The following HPSE2 variants were observed in gnomAD, a reference collection of about 807,000 sequenced individuals.
The protein encoded by HPSE2 is inactive heparanase-2.
A neutral mutation model predicts 60.5 loss-of-function variants in HPSE2; 38 were observed. That is an observed-to-expected ratio of 0.63 (90% CI 0.48 to 0.82). The LOEUF (loss-of-function observed/expected upper bound fraction) is 0.82. Among genes scored for constraint, HPSE2 ranks in the 40% least tolerant of loss-of-function variants. The probability of loss-of-function intolerance (pLI) is 0.00; values close to 1 mark genes in which losing one functional copy is unlikely to be tolerated. For missense variants in HPSE2, 713 were observed against 740.4 expected, an observed-to-expected ratio of 0.96 and a Z score of 0.43; for synonymous variants, 295 against 293.2, an observed-to-expected ratio of 1.01 and a Z score of -0.06.
chr10:99,115,014 C>T (rs1024046268), intron 3 of HPSE2, among the ~76,000 whole-genome samples: 13 of 151,890 alleles, frequency 8.6e-5, no homozygotes, highest in Middle Eastern at 3.2e-3. Context: ...GACAGGGTTG[C>T]TCTGTCACCC....
At chr10:98,569,763 A>C (rs1360874957) in intron 9 of HPSE2, among the ~76,000 whole-genome samples, 2 of 152,268 alleles carry the variant, frequency 1.3e-5, no homozygotes, top group East Asian at 3.9e-4. Flanking sequence ...GGAAGATATT[A>C]ACAATACCAC....
intron 2 of HPSE2, among the ~76,000 whole-genome samples, chr10:99,172,850 C>T (rs550779874): frequency 1.3e-5 from 2 of 151,932 alleles, no homozygotes; most frequent in South Asian, 4.2e-4. Context: ...TGCACTCCAG[C>T]CTAAGCAAGA....
chr10:99,244,385 A>T, the HPSE2 span, among the ~76,000 whole-genome samples: 206 of 87,842 alleles, frequency 2.3e-3, no homozygotes, highest in African/African-American at 0.016. Flanking sequence ...TATTTCTTTT[A>T]TTATTATTAT....
At chr10:98,571,092 A>G (rs1479469836) in intron 9 of HPSE2, among the ~76,000 whole-genome samples, 1 of 152,218 alleles carries the variant, frequency 6.6e-6, no homozygotes, top group Non-Finnish European at 1.5e-5. Context: ...AACTTTGAAC[A>G]GTCAGGAAAT....
At chr10:99,103,387 C>T (rs1844097598) in intron 3 of HPSE2, among the ~76,000 whole-genome samples, 1 of 152,086 alleles carries the variant, frequency 6.6e-6, no homozygotes, top group South Asian at 2.1e-4. Flanking sequence ...TTCACAATTG[C>T]TTCAAAGAGA....
chr10:98,561,292 G>A (rs1011830084), intron 9 of HPSE2, among the ~76,000 whole-genome samples: 5 of 151,598 alleles, frequency 3.3e-5, no homozygotes, highest in Admixed American at 1.3e-4. Flanking sequence ...TCAGTCTCCC[G>A]AGTAGGAAAC....
At chr10:98,731,271 C>T (rs569019211) in intron 4 of HPSE2, among the ~76,000 whole-genome samples, 4 of 150,578 alleles carry the variant, frequency 2.7e-5, no homozygotes, top group South Asian at 4.2e-4. Flanking sequence ...AGAGTGAGAC[C>T]CTTTCTCAAA....
intron 3 of HPSE2, among the ~76,000 whole-genome samples, chr10:98,946,127 A>G (rs1348466589): frequency 6.6e-6 from 1 of 152,084 alleles, no homozygotes; most frequent in African/African-American, 2.4e-5. Flanking sequence ...ATCATTTTCT[A>G]CCATAAAATA....
At chr10:99,160,905 A>C (rs1351023754) in intron 2 of HPSE2, among the ~76,000 whole-genome samples, 1 of 150,394 alleles carries the variant, frequency 6.6e-6, no homozygotes, top group South Asian at 2.1e-4. Flanking sequence ...TCTCAAAAAA[A>C]AAAAAAAAAA....
intron 9 of HPSE2, among the ~76,000 whole-genome samples, chr10:98,548,587 A>G (rs571007494): frequency 5.5e-4 from 84 of 151,676 alleles, no homozygotes; most frequent in African/African-American, 1.9e-3. Context: ...ACCGTACTCT[A>G]GCCTGGGCAA....
the HPSE2 span, among the ~76,000 whole-genome samples, chr10:99,301,903 T>G: frequency 1.3e-5 from 2 of 151,458 alleles, no homozygotes; most frequent in Non-Finnish European, 2.9e-5. Context: ...ACTCTTAACG[T>G]ATGTAAAATT....
intron 3 of HPSE2, among the ~76,000 whole-genome samples, chr10:99,102,280 T>TA (rs1844032902): frequency 6.6e-6 from 1 of 151,718 alleles, no homozygotes; most frequent in South Asian, 2.1e-4. Flanking sequence ...ATAGATGCAA[T>TA]AAAAAATGAT....
chr10:99,308,295 G>A, the HPSE2 span, among the ~76,000 whole-genome samples: 1 of 147,448 alleles, frequency 6.8e-6, no homozygotes, highest in African/African-American at 2.5e-5. Flanking sequence ...GGCTGAGGCA[G>A]GAGAACTGCT....
chr10:98,751,148 C>A (rs1005491469), intron 3 of HPSE2, among the ~76,000 whole-genome samples: 1 of 152,120 alleles, frequency 6.6e-6, no homozygotes. Context: ...CTCAAAGTCA[C>A]AGCTACCTTA....
chr10:98,500,072 T>A (rs1273921305), intron 9 of HPSE2, among the ~76,000 whole-genome samples: 8 of 152,108 alleles, frequency 5.3e-5, no homozygotes, highest in Non-Finnish European at 1.2e-4. Flanking sequence ...ACAGTAATAG[T>A]GGGGGACTTC....
intron 2 of HPSE2, among the ~76,000 whole-genome samples, chr10:99,183,596 T>G (rs1847860758): frequency 6.6e-6 from 1 of 152,194 alleles, no homozygotes; most frequent in Non-Finnish European, 1.5e-5. Flanking sequence ...TATAAACCCC[T>G]AATTTTAGTC....
chr10:99,242,046 T>C, the HPSE2 span, among the ~76,000 whole-genome samples: 2 of 152,192 alleles, frequency 1.3e-5, no homozygotes. Flanking sequence ...GTAGGTTTTA[T>C]ATGTCTTTGA....
chr10:98,888,518 C>T (rs1953238681), intron 3 of HPSE2, among the ~76,000 whole-genome samples: 3 of 152,120 alleles, frequency 2.0e-5, no homozygotes, highest in African/African-American at 7.2e-5. Flanking sequence ...CTCCTAATTA[C>T]CTGTTTTGAC....
intron 3 of HPSE2, among the ~76,000 whole-genome samples, chr10:98,874,332 T>C (rs1952814948): frequency 6.6e-6 from 1 of 152,234 alleles, no homozygotes; most frequent in East Asian, 1.9e-4. Flanking sequence ...AGGGTTTTTA[T>C]GGTTTTGGGT....
Sources: gnomAD v4.1 joint callset for allele counts (sites outside exome capture counted in the v4.1 genomes callset) on GRCh38, gnomAD v4.1.1 for gene constraint, MANE v1.5 for transcripts, NCBI Gene and HGNC (gene_info 2026-07-23, HGNC 2026-07-21) for gene names.